Variants in EZH1 observed in about 807,000 individuals in gnomAD.
EZH1 encodes the protein enhancer of zeste 1 polycomb repressive complex 2 subunit.
A neutral mutation model predicts 100.5 loss-of-function variants in EZH1; 33 were observed. The ratio of observed to expected loss-of-function variants is 0.33; its 90% CI spans 0.25 to 0.44. EZH1 has a LOEUF of 0.44. Ranked by LOEUF, EZH1 falls within the 20% of genes least tolerant of loss-of-function variation. The pLI, the probability that EZH1 is intolerant of heterozygous loss-of-function variation, is 1.00. For missense variants in EZH1, 475 were observed against 928.4 expected (o/e 0.51, Z 6.35); for synonymous variants, 272 against 313.8 (o/e 0.87, Z 1.41).
intron 6 of EZH1, among the ~76,000 whole-genome samples, chr17:42,722,208 C>T (rs534637722): frequency 1.3e-5 from 2 of 150,480 alleles, no homozygotes; most frequent in African/African-American, 4.9e-5. Context: ...TCCCAGCCCC[C>T]CAGGAGGCTA....
intron 1 of EZH1, among the ~76,000 whole-genome samples, chr17:42,731,364 C>T (rs914757442): frequency 1.6e-4 from 24 of 151,856 alleles, no homozygotes; most frequent in African/African-American, 4.6e-4. Flanking sequence ...CTGCCTGCCT[C>T]GGCCTCCCAA....
chr17:42,708,592 T>G (rs1408896195), intron 14 of EZH1, among the ~76,000 whole-genome samples: 1 of 151,946 alleles, frequency 6.6e-6, no homozygotes, highest in African/African-American at 2.4e-5. Flanking sequence ...GAGGCGGAGG[T>G]TGCAGTGAGC....
chr17:42,724,329 C>G lies in EZH1; in HGVS notation c.342G>C (p.Trp114Cys). The stretch of plus-strand genomic sequence containing the variant: ...CCATAAAGTTCTGTTGGAGAGGGGA[C>G]CAGGAATACATGATGGGAACCAATG... The part of the protein sequence containing the change: ...TVALVPIMYS[W>C]SPLQQNFMVE... The change falls in exon 5 of 21, where the codon TGG (tryptophan) becomes TGC (cysteine). Residue 114 changes from tryptophan to cysteine, a missense_variant. Coordinates refer to ENST00000428826, the MANE Select transcript of EZH1 (RefSeq NM_001991.5). 6.2e-7 allele frequency: 1 copy of G among 1,613,858 alleles called. No individual in the cohort carries two copies.
chr17:42,715,044 T>C (rs957553444), intron 10 of EZH1, among the ~76,000 whole-genome samples: 1 of 139,996 alleles, frequency 7.1e-6, no homozygotes, highest in Non-Finnish European at 1.5e-5. Flanking sequence ...ATAATTTATA[T>C]ATTATATATG....
intron 5 of EZH1, 135 bp from the exon 6 acceptor site, chr17:42,723,050 T>C: frequency 7.7e-7 from 1 of 1,306,588 alleles, no homozygotes; most frequent in Non-Finnish European, 1.0e-6. Context: ...GTTTCCTGCA[T>C]TTTAAACACT....
At chr17:42,740,416 T>C (rs1011188632) in intron 1 of EZH1, among the ~76,000 whole-genome samples, 1 of 152,122 alleles carries the variant, frequency 6.6e-6, no homozygotes, top group Non-Finnish European at 1.5e-5. Flanking sequence ...ATTTTTGCAT[T>C]TCAGTAGAGA....
intron 4 of EZH1, 80 bp from the exon 5 acceptor site, chr17:42,724,504 G>C: frequency 6.5e-7 from 1 of 1,548,162 alleles, no homozygotes; most frequent in Non-Finnish European, 8.8e-7. Flanking sequence ...TCCAAAATTG[G>C]CTGGGCATAG....
intron 1 of EZH1, among the ~76,000 whole-genome samples, chr17:42,734,746 T>C (rs966329784): frequency 3.3e-5 from 5 of 151,240 alleles, no homozygotes; most frequent in African/African-American, 1.2e-4. Flanking sequence ...GTAATCCCAG[T>C]ACTTTGGGAG....
chr17:42,707,005 C>T (rs551321564), intron 15 of EZH1, among the ~76,000 whole-genome samples: 1 of 152,148 alleles, frequency 6.6e-6, no homozygotes. Flanking sequence ...GTTCTGCAAG[C>T]TGTGGGGACT....
rs1567981458 is a variant in EZH1, at chr17:42,702,530, G to A, written c.*2C>T. 3.2e-6 allele frequency: 5 copies of A among 1,559,570 alleles called. No homozygotes were observed. The highest frequency in any genetic ancestry group is 4.3e-6 in the Non-Finnish European group (5 of 1,150,100). On this transcript the variant is annotated 3_prime_UTR_variant, in exon 21 of 21. Transcript: ENST00000428826. The stretch of plus-strand genomic sequence containing the variant: ...TAAGTGCTGCCGTGGGGCCTGGGAG[G>A]GCTAAAGGACGTCGGTCTCCCTCTC...
At chr17:42,744,918 C>G in intron 1 of EZH1, 93 bp downstream of exon 1, 1 of 1,215,174 alleles carries the variant, frequency 8.2e-7, no homozygotes, top group Non-Finnish European at 1.1e-6. Context: ...TTCCAATTTC[C>G]TGATCCCTCC....
At chr17:42,704,879 C>G (rs530043527) in intron 17 of EZH1, among the ~76,000 whole-genome samples, 196 bp from the exon 18 acceptor site, 1 of 152,186 alleles carries the variant, frequency 6.6e-6, no homozygotes, top group Non-Finnish European at 1.5e-5. Context: ...CTGAAAAGAG[C>G]CCCCCTCATC....
chr17:42,713,276 A>C lies in EZH1; in HGVS notation c.1137T>G (p.Ala379=), dbSNP rs1178665742. 1 of 1,614,016 alleles carries C rather than the reference A, an allele frequency of 6.2e-7. No homozygotes were observed. The highest frequency in any genetic ancestry group is 1.1e-5 in the South Asian group (1 of 91,060). ...TGTCTCCTTCTTTAGTCTCAGCCACAGCAGAGGCTGAGGCATTGGAGCAGG... is the reference window on the plus strand; with the variant it reads ...TGTCTCCTTCTTTAGTCTCAGCCACCGCAGAGGCTGAGGCATTGGAGCAGG... The part of the protein sequence containing the change: ...SASCSNASAS[A]VAETKEGDSD... Residue 379 remains alanine, a synonymous_variant, in exon 11 of 21, where the codon GCT becomes GCG. Coordinates refer to ENST00000428826, the MANE Select transcript of EZH1 (RefSeq NM_001991.5).
At chr17:42,707,055 T>G (rs1164161864) in intron 15 of EZH1, among the ~76,000 whole-genome samples, 1 of 151,930 alleles carries the variant, frequency 6.6e-6, no homozygotes, top group Non-Finnish European at 1.5e-5. Context: ...AAGGGCATGG[T>G]GGGATAAGAA....
chr17:42,733,694 C>T (rs1408156986), intron 1 of EZH1, among the ~76,000 whole-genome samples: 1 of 147,386 alleles, frequency 6.8e-6, no homozygotes, highest in Admixed American at 6.9e-5. Context: ...GTAATCTCAG[C>T]ACTTTGGAAG....
At chr17:42,710,898 TAGGTGTGAGCC>T (rs1417319492) in intron 12 of EZH1, among the ~76,000 whole-genome samples, 1 of 151,366 alleles carries the variant, frequency 6.6e-6, no homozygotes, top group Non-Finnish European at 1.5e-5. Context: ...ACTGGAATTC[TAGGTGTGAGCC>T]ACCTTGCCCA....
At chr17:42,710,076 G>A in intron 12 of EZH1, 139 bp from the exon 13 acceptor site, 1 of 674,504 alleles carries the variant, frequency 1.5e-6, no homozygotes, top group Non-Finnish European at 2.6e-6. Context: ...GAGAGACAGA[G>A]TGCCACTGGA....
Position 42,702,512 on chromosome 17 carries a change from T to C in EZH1, c.*20A>G, listed in dbSNP as rs763348747. On this transcript the variant is annotated 3_prime_UTR_variant, in exon 21 of 21. Coordinates refer to ENST00000428826, the MANE Select transcript of EZH1 (RefSeq NM_001991.5). ...AAGACAGTGCCGCTACCATAAGTGC[T>C]GCCGTGGGGCCTGGGAGGGCTAAAG... The C allele has an allele frequency of 1.3e-6, 2 of 1,506,604 alleles. No individual in the cohort carries two copies. Among genetic ancestry groups the C allele is most frequent in the Non-Finnish European group, 8.9e-7 (1 of 1,121,672 alleles). The allele number at this position is 1,506,604 out of a possible 1,614,324, so 93.3% of individuals were successfully genotyped here. A position where few individuals can be genotyped will look rare whatever the true frequency, so the allele number is the denominator to read the frequency against.
intron 1 of EZH1, among the ~76,000 whole-genome samples, chr17:42,735,371 AAAAAAAAAAGGGAAC>A (rs2054046431): frequency 6.6e-6 from 1 of 151,846 alleles, no homozygotes; most frequent in Non-Finnish European, 1.5e-5. Context: ...TCAAAGTTAA[AAAAAAAAAAGGGAAC>A]AAATAAAAAA....
Sources: allele counts gnomAD v4.1 joint callset (sites outside exome capture counted in the v4.1 genomes callset), GRCh38; gene constraint gnomAD v4.1.1; transcripts MANE v1.5; gene names NCBI Gene and HGNC (gene_info 2026-07-23, HGNC 2026-07-21).